Variants in ASCL5 observed in about 807,000 individuals in gnomAD.
The protein encoded by ASCL5 is achaete-scute homolog 5.
For missense variants in ASCL5, 262 were observed against 268.9 expected, an observed-to-expected ratio of 0.97 and a Z score of 0.18; for synonymous variants, 124 against 131.5, an observed-to-expected ratio of 0.94 and a Z score of 0.39.
intron 1 of ASCL5, among the ~76,000 whole-genome samples, chr1:201,121,343 A>C (rs569136251): frequency 1.3e-5 from 2 of 152,268 alleles, no homozygotes; most frequent in African/African-American, 4.8e-5. Flanking sequence ...TGTGTGGCTC[A>C]CACCTGTAAT....
chr1:201,120,003 A>G (rs560445526), intron 1 of ASCL5, among the ~76,000 whole-genome samples: 1 of 152,286 alleles, frequency 6.6e-6, no homozygotes, highest in African/African-American at 2.4e-5. Flanking sequence ...GCAGCCGAGC[A>G]GATGTGCTTG....
chr1:201,115,029 GC>G lies in ASCL5; in HGVS notation c.343del (p.Ala115LeufsTer18). 1.6e-6 allele frequency: 2 copies of G among 1,232,010 alleles called. No individual in the cohort carries two copies. The highest frequency in any genetic ancestry group is 2.0e-6 in the Non-Finnish European group (2 of 988,214). The allele number at this position is 1,232,010 out of a possible 1,614,324, so 76.3% of individuals were successfully genotyped here. A position where few individuals can be genotyped will look rare whatever the true frequency, so the allele number is the denominator to read the frequency against. On this transcript the variant is annotated frameshift_variant, in exon 2 of 2. Transcript: ENST00000449188. LOFTEE classifies it low-confidence loss of function (END_TRUNC). ...RLRGHLPGAL[A>X]EKRLSKVETL... ...CTCCACCTTGCTGAGTCGCTTCTCAGCCAGGGCGCCGGGGAGGTGGCCGCGG... is the reference window on the plus strand; with the variant it reads ...CTCCACCTTGCTGAGTCGCTTCTCAGCAGGGCGCCGGGGAGGTGGCCGCGG...
intron 1 of ASCL5, among the ~76,000 whole-genome samples, chr1:201,121,442 TAA>T (rs1308634073): frequency 6.6e-6 from 1 of 152,198 alleles, no homozygotes; most frequent in Non-Finnish European, 1.5e-5. Flanking sequence ...TAGTCTTGTT[TAA>T]GTCTTACTCA....
rs1558093918 is a variant in ASCL5 at position 201,115,007 on chromosome 1, C to G, written c.366G>C (p.Val122=). The G allele has an allele frequency of 2.4e-6, 3 of 1,231,802 alleles. No homozygotes were observed. The allele number at this position is 1,231,802 out of a possible 1,614,324, so 76.3% of individuals were successfully genotyped here. ...AGCGGATGGCGGCGCGCAGCGTCTC[C>G]ACCTTGCTGAGTCGCTTCTCAGCCA... The part of the protein sequence containing the change: ...GALAEKRLSK[V]ETLRAAIRYI... Residue 122 remains valine, a synonymous_variant, in exon 2 of 2, where the codon GTG becomes GTC. Coordinates refer to ENST00000449188, the MANE Select transcript of ASCL5 (RefSeq NM_001270601.2).
rs554272402 is a variant in ASCL5, at chr1:201,115,150, C to T, written c.223G>A (p.Val75Ile). 58 of 1,231,730 alleles carry T rather than the reference C, an allele frequency of 4.7e-5. No individual in the cohort carries two copies. The highest frequency in any genetic ancestry group is 5.6e-5 in the Non-Finnish European group (55 of 987,976). The allele number at this position is 1,231,730 out of a possible 1,614,324, so 76.3% of individuals were successfully genotyped here. Residue 75 changes from valine (V) to isoleucine (I), a missense_variant, in exon 2 of 2, where the codon GTC becomes ATC. Physicochemically the swap from Val to Ile is conservative, Grantham distance 29 (BLOSUM62 3). Coordinates refer to ENST00000449188, the MANE Select transcript of ASCL5 (RefSeq NM_001270601.2). ...PYVPFPGAFG[V>I]YEYPFEPAFI... ...GCTGGCTCGAAGGGGTATTCGTAGACCCCGAAGGCGCCGGGGAAGGGCACG... is the reference window on the plus strand; with the variant it reads ...GCTGGCTCGAAGGGGTATTCGTAGATCCCGAAGGCGCCGGGGAAGGGCACG...
At chr1:201,120,084 C>T (rs561734414) in intron 1 of ASCL5, among the ~76,000 whole-genome samples, 7 of 152,334 alleles carry the variant, frequency 4.6e-5, no homozygotes, top group Admixed American at 3.9e-4. Context: ...GTTAGGCCTG[C>T]AGTCTACGCT....
intron 1 of ASCL5, among the ~76,000 whole-genome samples, chr1:201,119,032 C>T (rs543588890): frequency 6.6e-6 from 1 of 152,168 alleles, no homozygotes; most frequent in African/African-American, 2.4e-5. Context: ...TTTACACTGA[C>T]CTAACAAAAG....
At chr1:201,118,976 A>G (rs557141951) in intron 1 of ASCL5, among the ~76,000 whole-genome samples, 12 of 152,320 alleles carry the variant, frequency 7.9e-5, no homozygotes, top group African/African-American at 2.9e-4. Flanking sequence ...CTCTTCCCTC[A>G]GTATTTCTAC....
chr1:201,116,892 T>A (rs1213492659), intron 1 of ASCL5, among the ~76,000 whole-genome samples: 1 of 152,150 alleles, frequency 6.6e-6, no homozygotes, highest in East Asian at 1.9e-4. Context: ...GAGTGAGTGA[T>A]GGGCAGCATG....
At chr1:201,126,922 C>T (rs796515046) in intron 1 of ASCL5, among the ~76,000 whole-genome samples, 162 bp downstream of exon 1, 4 of 152,334 alleles carry the variant, frequency 2.6e-5, no homozygotes, top group Non-Finnish European at 4.4e-5. Flanking sequence ...CAGCAGGTGG[C>T]TTGGCTCTGT....
rs1663318918 is a variant in ASCL5 at position 201,115,389 on chromosome 1, G to T, written c.-17C>A. 3.2e-6 allele frequency: 4 copies of T among 1,231,366 alleles called. No homozygotes were observed. In the Admixed American group the frequency reaches 1.3e-4, roughly 39 times the overall value. 76.3% of individuals were successfully genotyped at this position (1,231,366 alleles called of 1,614,324 possible). ...ATTGTTCATGGTGCCGCGTGGAGCT[G>T]GACCCAGAGCGAGGCCTCCACCGAA... On this transcript the variant is annotated 5_prime_UTR_variant, in exon 2 of 2. Coordinates refer to ENST00000449188, the MANE Select transcript of ASCL5 (RefSeq NM_001270601.2).
At chr1:201,117,794 T>C (rs1233473344) in intron 1 of ASCL5, among the ~76,000 whole-genome samples, 1 of 152,232 alleles carries the variant, frequency 6.6e-6, no homozygotes, top group Non-Finnish European at 1.5e-5. Flanking sequence ...GTGCATTCTA[T>C]GTCTTCAACC....
intron 1 of ASCL5, among the ~76,000 whole-genome samples, chr1:201,122,690 A>G (rs957982122): frequency 6.6e-6 from 1 of 152,152 alleles, no homozygotes; most frequent in South Asian, 2.1e-4. Context: ...TGGGTGAGGA[A>G]TTTAGTCCTT....
At chr1:201,121,482 T>A (rs547328236) in intron 1 of ASCL5, among the ~76,000 whole-genome samples, 8 of 152,158 alleles carry the variant, frequency 5.3e-5, no homozygotes, top group Non-Finnish European at 1.0e-4. Context: ...AGGAATTCAG[T>A]TTTGTGTGTG....
intron 1 of ASCL5, among the ~76,000 whole-genome samples, chr1:201,117,380 G>A (rs1663369804): frequency 6.6e-6 from 1 of 151,928 alleles, no homozygotes; most frequent in South Asian, 2.1e-4. Context: ...AGGGTGCAGT[G>A]AACCAAGATC....
intron 1 of ASCL5, among the ~76,000 whole-genome samples, chr1:201,118,459 T>TGGGCA (rs1319681814): frequency 1.4e-5 from 2 of 144,416 alleles, no homozygotes; most frequent in East Asian, 4.1e-4. Flanking sequence ...CACTCCAGCC[T>TGGGCA]GGGCAACAGA....
chr1:201,126,384 G>A (rs1273533031), intron 1 of ASCL5, among the ~76,000 whole-genome samples: 1 of 152,200 alleles, frequency 6.6e-6, no homozygotes, highest in Non-Finnish European at 1.5e-5. Context: ...TTACAGGCAT[G>A]AGCCACTGTG....
In ASCL5 at chr1:201,125,319, TC is replaced by T. The variant is rs370410496; in HGVS notation, c.-506+1764del. 3.4e-3 allele frequency among the ~76,000 whole-genome samples: 520 copies of T among 152,270 alleles called. 1 individual carries two copies. Among genetic ancestry groups the T allele is most frequent in the Non-Finnish European group, 5.5e-3 (377 of 68,016 alleles). Reference sequence around the variant, plus strand: ...TTCCCAGCAGTCTGCCATCCTTCTCTCCAACATTCTTTTCCCCCATATCCCC... The same window carrying T: ...TTCCCAGCAGTCTGCCATCCTTCTCTCAACATTCTTTTCCCCCATATCCCC... On this transcript the variant is annotated intron_variant, in intron 1 of 1. Coordinates refer to ENST00000449188, the MANE Select transcript of ASCL5 (RefSeq NM_001270601.2).
At chr1:201,120,095 C>T (rs1176638802) in intron 1 of ASCL5, among the ~76,000 whole-genome samples, 3 of 152,212 alleles carry the variant, frequency 2.0e-5, no homozygotes, top group Non-Finnish European at 4.4e-5. Context: ...AGTCTACGCT[C>T]AGTTGTACCA....
Sources: gnomAD v4.1 joint callset for allele counts (sites outside exome capture counted in the v4.1 genomes callset) on GRCh38, gnomAD v4.1.1 for gene constraint, MANE v1.5 for transcripts, NCBI Gene and HGNC (gene_info 2026-07-23, HGNC 2026-07-21) for gene names.